The following CCDC102B variants were observed in gnomAD, a reference collection of about 807,000 sequenced individuals.
CCDC102B encodes the protein coiled-coil domain containing 102B.
Under a neutral mutation model 57.4 loss-of-function variants are expected in CCDC102B, and 75 were observed. The ratio of observed to expected loss-of-function variants is 1.31; its 90% CI spans 1.08 to 1.58. The LOEUF is 1.58. Ranked by LOEUF, CCDC102B falls within the 40% of genes most tolerant of loss-of-function variation. The pLI is 0.00. For missense variants in CCDC102B, 636 were observed against 582.6 expected (o/e 1.09, Z -0.94); for synonymous variants, 206 against 201.9 (o/e 1.02, Z -0.17).
intron 2 of CCDC102B, among the ~76,000 whole-genome samples, chr18:68,735,602 G>A (rs1038093621): frequency 2.0e-5 from 3 of 151,852 alleles, no homozygotes; most frequent in African/African-American, 7.3e-5. Context: ...GTTTTTCTTT[G>A]CATATCCTGT....
chr18:68,849,582 T>A (rs1005199320), intron 4 of CCDC102B, among the ~76,000 whole-genome samples: 1 of 152,130 alleles, frequency 6.6e-6, no homozygotes, highest in East Asian at 1.9e-4. Context: ...AGCATGATAT[T>A]TCTAAGACAT....
intron 6 of CCDC102B, among the ~76,000 whole-genome samples, chr18:69,000,482 A>G (rs2145358181): frequency 6.6e-6 from 1 of 152,318 alleles, no homozygotes; most frequent in African/African-American, 2.4e-5. Flanking sequence ...GTATATAGAC[A>G]CATACATATA....
chr18:68,930,962 T>C (rs750139951), intron 6 of CCDC102B, among the ~76,000 whole-genome samples: 2 of 151,910 alleles, frequency 1.3e-5, no homozygotes, highest in Admixed American at 6.6e-5. Context: ...AAAGTCTACT[T>C]TATTTTAACT....
chr18:68,906,039 T>C (rs112448681), intron 6 of CCDC102B, among the ~76,000 whole-genome samples: 1 of 151,988 alleles, frequency 6.6e-6, no homozygotes, highest in Non-Finnish European at 1.5e-5. Context: ...GTGATCCACC[T>C]GCCTCGGCCT....
In CCDC102B at chr18:68,838,943, G is replaced by T; in HGVS notation, c.827+17G>T. 6.3e-7 allele frequency: 1 copy of T among 1,592,442 alleles called. No homozygotes were observed. The highest frequency in any genetic ancestry group is 8.6e-7 in the Non-Finnish European group (1 of 1,161,222). Reference sequence around the variant, plus strand: ...GGAAAGAGAGTAAGTGCTAATCATTGTCTCCCTTAACCAAGTCTAAGTTTC... The same window carrying T: ...GGAAAGAGAGTAAGTGCTAATCATTTTCTCCCTTAACCAAGTCTAAGTTTC... On this transcript the variant is annotated intron_variant, in intron 3 of 7. Coordinates refer to ENST00000360242, the MANE Select transcript of CCDC102B (RefSeq NM_024781.3).
chr18:69,042,848 T>A (rs1427479633), intron 7 of CCDC102B, among the ~76,000 whole-genome samples: 1 of 152,152 alleles, frequency 6.6e-6, no homozygotes, highest in Non-Finnish European at 1.5e-5. Flanking sequence ...GAAATGCTGT[T>A]CCTTGAAGGG....
intron 6 of CCDC102B, among the ~76,000 whole-genome samples, chr18:68,967,162 G>T (rs149197207): frequency 1.5e-5 from 1 of 65,024 alleles, no homozygotes; most frequent in African/African-American, 6.3e-5. Context: ...TCTTTTCGGT[G>T]TGTAGAACAC....
chr18:68,901,485 G>C (rs981937819), intron 6 of CCDC102B, among the ~76,000 whole-genome samples: 42 of 152,030 alleles, frequency 2.8e-4, no homozygotes, highest in African/African-American at 1.0e-3. Flanking sequence ...GGACAGAAGG[G>C]GGGCCAAGAA....
chr18:69,000,484 A>C (rs1318377153), intron 6 of CCDC102B, among the ~76,000 whole-genome samples: 6 of 152,208 alleles, frequency 3.9e-5, no homozygotes, highest in Non-Finnish European at 8.8e-5. Flanking sequence ...ATATAGACAC[A>C]TACATATACA....
chr18:68,897,554 A>T, intron 6 of CCDC102B, 126 bp downstream of exon 6: 2 of 1,558,882 alleles, frequency 1.3e-6, no homozygotes, highest in Non-Finnish European at 1.7e-6. Flanking sequence ...AATACCTGAT[A>T]CTCCTTGCTC....
rs1419961737 is a variant in CCDC102B, at chr18:68,799,214, AAAG to A, written c.-16+1038_-16+1040del. Among the ~76,000 whole-genome samples, 5 of 152,264 alleles carry A rather than the reference AAAG, an allele frequency of 3.3e-5. No homozygotes were observed. The East Asian group carries it at 9.6e-4, about 29-fold the overall frequency. On this transcript the variant is annotated intron_variant, in intron 1 of 7. Transcript: ENST00000360242. ...TATTTTAATGAAAGCAATAAATTAG[AAAG>A]AAGATTTATAAGTTAGCGATACAAT...
chr18:68,954,912 T>A (rs978263143), intron 6 of CCDC102B, among the ~76,000 whole-genome samples: 1 of 152,176 alleles, frequency 6.6e-6, no homozygotes, highest in African/African-American at 2.4e-5. Context: ...TACAATAACA[T>A]CAGTGACACG....
intron 6 of CCDC102B, among the ~76,000 whole-genome samples, chr18:68,946,720 A>AT (rs2049551053): frequency 6.6e-6 from 1 of 151,998 alleles, no homozygotes; most frequent in African/African-American, 2.4e-5. Context: ...GTCATTTAGA[A>AT]ACCTAAGGGC....
At chr18:68,730,802 T>G (rs2032825067) in intron 2 of CCDC102B, among the ~76,000 whole-genome samples, 1 of 152,190 alleles carries the variant, frequency 6.6e-6, no homozygotes, top group African/African-American at 2.4e-5. Context: ...TTCTACATGA[T>G]GTATTTAATA....
chr18:68,838,994 A>G (rs777769419), intron 3 of CCDC102B, 68 bp downstream of exon 3: 12 of 1,224,248 alleles, frequency 9.8e-6, no homozygotes, highest in Non-Finnish European at 1.4e-5. Context: ...GTTAATACAG[A>G]TAGATTGGTC....
intron 1 of CCDC102B, among the ~76,000 whole-genome samples, chr18:68,800,327 G>A (rs1252453164): frequency 6.6e-6 from 1 of 152,064 alleles, no homozygotes; most frequent in Admixed American, 6.6e-5. Flanking sequence ...TGGGATTTTA[G>A]GGTGCAGGGA....
chr18:68,919,306 T>C (rs1032489087), intron 6 of CCDC102B, among the ~76,000 whole-genome samples: 3 of 152,036 alleles, frequency 2.0e-5, no homozygotes, highest in East Asian at 1.9e-4. Flanking sequence ...ACAGTAGAAA[T>C]GGGATTTTGT....
At chr18:69,039,027 T>C (rs2052365374) in intron 7 of CCDC102B, among the ~76,000 whole-genome samples, 1 of 152,030 alleles carries the variant, frequency 6.6e-6, no homozygotes, top group South Asian at 2.1e-4. Flanking sequence ...CTTTTATCAC[T>C]GGTTACTAAA....
At chr18:69,031,358 A>T (rs2052138776) in intron 7 of CCDC102B, among the ~76,000 whole-genome samples, 2 of 152,142 alleles carry the variant, frequency 1.3e-5, no homozygotes, top group Admixed American at 1.3e-4. Context: ...ATCCAATCAT[A>T]AAACTTACTT....
Sources: gnomAD v4.1 joint callset for allele counts (sites outside exome capture counted in the v4.1 genomes callset) on GRCh38, gnomAD v4.1.1 for gene constraint, MANE v1.5 for transcripts, NCBI Gene and HGNC (gene_info 2026-07-23, HGNC 2026-07-21) for gene names.